The following EIF2AK3 variants were observed in gnomAD, a reference collection of about 807,000 sequenced individuals.
EIF2AK3 encodes the protein eukaryotic translation initiation factor 2 alpha kinase 3.
A neutral mutation model predicts 113.5 loss-of-function variants in EIF2AK3; 50 were observed. That is an observed-to-expected ratio of 0.44 (90% CI 0.35 to 0.56). The LOEUF (loss-of-function observed/expected upper bound fraction) is 0.56. EIF2AK3 is among the 20% of genes least tolerant of loss of function. The probability of loss-of-function intolerance (pLI) is 0.00; values close to 1 mark genes in which losing one functional copy is unlikely to be tolerated. For synonymous variants in EIF2AK3, 448 were observed against 495.4 expected, an observed-to-expected ratio of 0.90 and a Z score of 1.27; for missense variants, 1,185 against 1,378.0, an observed-to-expected ratio of 0.86 and a Z score of 2.22.
intron 11 of EIF2AK3, 142 bp downstream of exon 11, chr2:88,579,376 T>C: frequency 1.8e-6 from 2 of 1,092,446 alleles, no homozygotes; most frequent in Non-Finnish European, 1.3e-6. Context: ...GCTGGTTAAT[T>C]GGCAGCACTT....
At chr2:88,619,599 C>A (rs1675668605) in intron 1 of EIF2AK3, among the ~76,000 whole-genome samples, 1 of 152,088 alleles carries the variant, frequency 6.6e-6, no homozygotes, top group African/African-American at 2.4e-5. Flanking sequence ...CTTTGTGCTC[C>A]CTCATCCTCT....
At chr2:88,559,877 T>C (rs1490781687) in intron 15 of EIF2AK3, among the ~76,000 whole-genome samples, 1 of 152,172 alleles carries the variant, frequency 6.6e-6, no homozygotes, top group Non-Finnish European at 1.5e-5. Flanking sequence ...ATTTTGGTGG[T>C]TTCTACTTTT....
At chr2:88,592,967 C>A (rs1432632986) in intron 4 of EIF2AK3, among the ~76,000 whole-genome samples, 1 of 151,982 alleles carries the variant, frequency 6.6e-6, no homozygotes, top group Non-Finnish European at 1.5e-5. Flanking sequence ...CATGGTGAAA[C>A]CCCGTCTCTA....
chr2:88,607,491 A>G (rs1675318559), intron 2 of EIF2AK3, among the ~76,000 whole-genome samples: 1 of 152,288 alleles, frequency 6.6e-6, no homozygotes, highest in Admixed American at 6.5e-5. Context: ...TAGCTTGGTT[A>G]TGTATCCACA....
At chr2:88,609,887 T>C (rs1216755595) in intron 2 of EIF2AK3, among the ~76,000 whole-genome samples, 2 of 130,462 alleles carry the variant, frequency 1.5e-5, no homozygotes, top group African/African-American at 3.0e-5. Flanking sequence ...GGCAGGAGGA[T>C]AGCTTGAGCC....
intron 1 of EIF2AK3, among the ~76,000 whole-genome samples, chr2:88,615,843 T>G (rs1337748387): frequency 6.6e-6 from 1 of 152,152 alleles, no homozygotes; most frequent in African/African-American, 2.4e-5. Flanking sequence ...TTGAACTATT[T>G]CTAATCAAGT....
intron 2 of EIF2AK3, among the ~76,000 whole-genome samples, chr2:88,598,984 C>T (rs1675085003): frequency 6.6e-6 from 1 of 150,694 alleles, no homozygotes; most frequent in Non-Finnish European, 1.5e-5. Context: ...AGCAGGCAAC[C>T]AGGTTGGGGT....
At position 88,574,768 on chromosome 2, in the gene EIF2AK3, G is replaced by A. The variant is rs778993416; in HGVS notation, c.2715C>T (p.Thr905=). The change falls in exon 13 of 17, where the codon ACC becomes ACT. Residue 905 remains threonine (T), a synonymous_variant. Transcript: ENST00000303236. ...NLKDWMNGRC[T]IEERERSVCL... ...ACACGCTCCTCTCTCTCTCCTCTAT[G>A]GTACATCGTCCATTCATCCAGTCTT... 5 of 1,614,096 alleles carry A rather than the reference G, an allele frequency of 3.1e-6. No individual in the cohort carries two copies. In the East Asian group the frequency reaches 1.1e-4, roughly 36 times the overall value.
chr2:88,624,271 G>C (rs1011421521), intron 1 of EIF2AK3, among the ~76,000 whole-genome samples: 1 of 152,164 alleles, frequency 6.6e-6, no homozygotes, highest in Non-Finnish European at 1.5e-5. Context: ...GGGATAACAG[G>C]CTGAGCCAAT....
At chr2:88,581,166 A>G (rs533230408) in intron 10 of EIF2AK3, among the ~76,000 whole-genome samples, 19 of 151,622 alleles carry the variant, frequency 1.3e-4, no homozygotes, top group African/African-American at 4.4e-4. Flanking sequence ...TGCCTAGGAC[A>G]TTGTCGCCAC....
chr2:88,601,012 T>C (rs1477186353), intron 2 of EIF2AK3, among the ~76,000 whole-genome samples: 3 of 152,220 alleles, frequency 2.0e-5, no homozygotes, highest in African/African-American at 7.2e-5. Flanking sequence ...TTCCAACAAT[T>C]ATCAACATTT....
At chr2:88,605,546 C>G (rs1295355017) in intron 2 of EIF2AK3, among the ~76,000 whole-genome samples, 1 of 151,990 alleles carries the variant, frequency 6.6e-6, no homozygotes, top group Non-Finnish European at 1.5e-5. Flanking sequence ...CTCTATCAAG[C>G]CTAAAATTCT....
At position 88,593,688 on chromosome 2, in the gene EIF2AK3, G is replaced by C. The variant is rs191594535; in HGVS notation, c.634-283C>G. ...TCCATAGAATATACAAGAAGAAATG[G>C]ATAGCTACTTGTGATAGCTTTTCTA... On this transcript the variant is annotated intron_variant, in intron 3 of 16. Coordinates refer to ENST00000303236, the MANE Select transcript of EIF2AK3 (RefSeq NM_004836.7). Among the ~76,000 whole-genome samples, 154 of 152,128 alleles carry C rather than the reference G, an allele frequency of 1.0e-3. 1 individual carries two copies. Among genetic ancestry groups the C allele is most frequent in the Non-Finnish European group, 1.6e-3 (108 of 67,994 alleles).
Position 88,613,832 on chromosome 2 carries a change from A to C in EIF2AK3, c.330T>G (p.Thr110=). 6.2e-7 allele frequency: 1 copy of C among 1,613,368 alleles called. No individual in the cohort carries two copies. The change falls in exon 2 of 17, where the codon ACT becomes ACG. Residue 110 remains threonine (T), a synonymous_variant. Transcript: ENST00000303236. ...PRGRSLVIIS[T]LDGRIAALDP... ...CCAAGGCAGCAATTCTCCCATCTAA[A>C]GTGCTGATAATTACTAATGACCTGT...
intron 15 of EIF2AK3, among the ~76,000 whole-genome samples, chr2:88,561,027 G>T (rs759699683): frequency 6.6e-6 from 1 of 152,114 alleles, no homozygotes; most frequent in African/African-American, 2.4e-5. Flanking sequence ...CAGAGACAGG[G>T]TCTTGCTGTG....
intron 1 of EIF2AK3, among the ~76,000 whole-genome samples, chr2:88,616,861 T>A (rs528073532): frequency 4.6e-5 from 7 of 152,310 alleles, no homozygotes; most frequent in Admixed American, 4.6e-4. Flanking sequence ...TGCAACTTTA[T>A]CTCTTCTATA....
At chr2:88,610,384 A>C (rs1394022674) in intron 2 of EIF2AK3, among the ~76,000 whole-genome samples, 1 of 152,230 alleles carries the variant, frequency 6.6e-6, no homozygotes, top group East Asian at 1.9e-4. Context: ...TAAAATGTTC[A>C]TTGATATGGT....
chr2:88,597,918 C>T (rs1448663342), intron 2 of EIF2AK3, among the ~76,000 whole-genome samples: 3 of 152,226 alleles, frequency 2.0e-5, no homozygotes, highest in African/African-American at 7.2e-5. Flanking sequence ...CACTCATACC[C>T]GGTGCCCAAA....
At chr2:88,593,677 A>G (rs1283485892) in intron 3 of EIF2AK3, among the ~76,000 whole-genome samples, 1 of 152,232 alleles carries the variant, frequency 6.6e-6, no homozygotes, top group Non-Finnish European at 1.5e-5. Flanking sequence ...TAGAATATAC[A>G]AGAAGAAATG....
Sources: allele counts gnomAD v4.1 joint callset (sites outside exome capture counted in the v4.1 genomes callset), GRCh38; gene constraint gnomAD v4.1.1; transcripts MANE v1.5; gene names NCBI Gene and HGNC (gene_info 2026-07-23, HGNC 2026-07-21).